The following CSRNP2 variants were observed in gnomAD, a reference collection of about 807,000 sequenced individuals.
CSRNP2 encodes the protein cysteine/serine-rich nuclear protein 2.
A neutral mutation model predicts 36.6 loss-of-function variants in CSRNP2; 11 were observed. That is an observed-to-expected ratio of 0.30 (90% CI 0.19 to 0.50). The LOEUF is 0.50. CSRNP2 is among the 20% of genes least tolerant of loss of function. CSRNP2 has a pLI of 0.98. For synonymous variants in CSRNP2, 248 were observed against 275.3 expected, an observed-to-expected ratio of 0.90 and a Z score of 0.98; for missense variants, 483 against 691.4, an observed-to-expected ratio of 0.70 and a Z score of 3.38.
chr12:51,079,404 T>C (rs1459468164), intron 1 of CSRNP2, among the ~76,000 whole-genome samples: 3 of 151,604 alleles, frequency 2.0e-5, no homozygotes, highest in African/African-American at 7.3e-5. Flanking sequence ...TCTCATTCCA[T>C]TCTATTGTAG....
chr12:51,080,154 AGGCAGGCAGGCAGGCAGGCAGGCG>A (rs1233858726), intron 1 of CSRNP2, among the ~76,000 whole-genome samples: 10 of 36,848 alleles, frequency 2.7e-4, no homozygotes, highest in East Asian at 8.8e-4. Flanking sequence ...GCAGGCAGGC[AGGCAGGCAGGCAGGCAGGCAGGCG>A]GTCTTTTTCC....
chr12:51,064,673 A>G lies in CSRNP2; in HGVS notation c.709-4T>C. 6.6e-7 allele frequency: 1 copy of G among 1,507,814 alleles called. No individual in the cohort carries two copies. Among genetic ancestry groups the G allele is most frequent in the South Asian group, 1.4e-5 (1 of 73,468 alleles). 93.4% of individuals were successfully genotyped at this position (1,507,814 alleles called of 1,614,324 possible). A position where few individuals can be genotyped will look rare whatever the true frequency, so the allele number is the denominator to read the frequency against. ...ATGGAAAGGACATGCGATCCACCTGAGCGGGGACAAGAAGGTTGGGGCAAG... is the reference window on the plus strand; with the variant it reads ...ATGGAAAGGACATGCGATCCACCTGGGCGGGGACAAGAAGGTTGGGGCAAG... On this transcript the variant is annotated splice_polypyrimidine_tract_variant and splice_region_variant and intron_variant, in intron 4 of 4. Coordinates refer to ENST00000228515, the MANE Select transcript of CSRNP2 (RefSeq NM_030809.3).
chr12:51,070,075 G>C (rs1357648272), intron 3 of CSRNP2, among the ~76,000 whole-genome samples: 32 of 152,028 alleles, frequency 2.1e-4, no homozygotes, highest in Non-Finnish European at 1.5e-5. Context: ...ACAAGCCGTG[G>C]CTGAAAGAGT....
chr12:51,075,459 C>G (rs1436283925), intron 2 of CSRNP2, among the ~76,000 whole-genome samples: 2 of 152,184 alleles, frequency 1.3e-5, no homozygotes, highest in East Asian at 3.8e-4. Context: ...CAACTGGCTA[C>G]TGTTGGACAA....
At chr12:51,065,603 G>A (rs1938107221) in intron 4 of CSRNP2, among the ~76,000 whole-genome samples, 1 of 151,980 alleles carries the variant, frequency 6.6e-6, no homozygotes, top group South Asian at 2.1e-4. Context: ...GATTACAGGT[G>A]TGAGCCACCG....
At chr12:51,079,413 A>G (rs557560756) in intron 1 of CSRNP2, among the ~76,000 whole-genome samples, 61 of 152,030 alleles carry the variant, frequency 4.0e-4, no homozygotes, top group African/African-American at 1.4e-3. Context: ...ATTCTATTGT[A>G]GCGGGGAGGG....
chr12:51,067,627 G>A lies in CSRNP2; in HGVS notation c.708+46C>T, dbSNP rs775932315. The A allele has an allele frequency of 1.2e-5, 19 of 1,573,240 alleles. No individual in the cohort carries two copies. Among genetic ancestry groups the A allele is most frequent in the African/African-American group, 6.7e-5 (5 of 74,418 alleles). Reference sequence around the variant, plus strand: ...TTCAGTGGCACCCACACCTCACCCCGCTGACCCTGGTGTAGATATACTATC... The same window carrying A: ...TTCAGTGGCACCCACACCTCACCCCACTGACCCTGGTGTAGATATACTATC... On this transcript the variant is annotated intron_variant, in intron 4 of 4. Transcript: ENST00000228515. This position sits in a 1 kb window ranked among gnomAD's most constrained non-coding sequence, Gnocchi z 4.1.
At chr12:51,070,390 C>T (rs1939024689) in intron 3 of CSRNP2, among the ~76,000 whole-genome samples, 1 of 152,158 alleles carries the variant, frequency 6.6e-6, no homozygotes, top group African/African-American at 2.4e-5. Flanking sequence ...TACAAAGGGC[C>T]TTTCTGTTTA....
At chr12:51,075,885 C>A (rs2136918441) in intron 2 of CSRNP2, among the ~76,000 whole-genome samples, 1 of 152,252 alleles carries the variant, frequency 6.6e-6, no homozygotes, top group East Asian at 1.9e-4. Flanking sequence ...CTTGTCTCTA[C>A]TAAAAACACA....
In CSRNP2 at chr12:51,064,458, C is replaced by T. The variant is rs1398871425; in HGVS notation, c.920G>A (p.Gly307Asp). ...CTCCTGGAAGTCCTGGGTCTCAGAG[C>T]CCTGTGCTCCTGTCAGGCTGCAACT... is the stretch of plus-strand genomic sequence containing the variant. ...TASCSLTGAQ[G>D]SETQDFQEFI... Residue 307 changes from glycine (G) to aspartate (D), a missense_variant, in exon 5 of 5, where the codon GGC becomes GAC. Coordinates refer to ENST00000228515, the MANE Select transcript of CSRNP2 (RefSeq NM_030809.3). 1 of 1,609,416 alleles carries T rather than the reference C, an allele frequency of 6.2e-7. No homozygotes were observed.
In CSRNP2 at chr12:51,061,704, TAC is replaced by T. The variant is rs1226562443; in HGVS notation, c.*2040_*2041del. ...GTGGGTTGGCAATGAGCTTAATAAT[TAC>T]AGATTCATATTCCTGGTTTGATCCC... is the stretch of plus-strand genomic sequence containing the variant. On this transcript the variant is annotated 3_prime_UTR_variant, in exon 5 of 5. Transcript: ENST00000228515. The T allele has an allele frequency of 6.6e-6, 1 of 152,190 alleles. No homozygotes were observed. The highest frequency in any genetic ancestry group is 2.4e-5 in the African/African-American group (1 of 41,456). 9.4% of individuals were successfully genotyped at this position (152,190 alleles called of 1,614,324 possible). A position where few individuals can be genotyped will look rare whatever the true frequency, so the allele number is the denominator to read the frequency against.
At chr12:51,071,504 C>T (rs778539797) in intron 3 of CSRNP2, among the ~76,000 whole-genome samples, 4 of 151,946 alleles carry the variant, frequency 2.6e-5, no homozygotes, top group South Asian at 2.1e-4. Context: ...GTGGCCCACA[C>T]CTGTAGTCCC....
In CSRNP2 at chr12:51,064,298, G is replaced by A. The variant is rs760496365; in HGVS notation, c.1080C>T (p.Ile360=). 8 of 1,613,812 alleles carry A rather than the reference G, an allele frequency of 5.0e-6. No individual in the cohort carries two copies. In the South Asian group the frequency reaches 8.8e-5, roughly 18 times the overall value. ...DSSIESLGVC[I]LEEPLAVPEE... ...CGGGGACAGCCAGAGGCTCCTCTAG[G>A]ATGCACACACCCAGGCTCTCGATGC... The change falls in exon 5 of 5, where the codon ATC becomes ATT. Residue 360 remains isoleucine, a synonymous_variant. Transcript: ENST00000228515.
rs570681413 is a variant in CSRNP2, at chr12:51,070,033, A to C, written c.412-2064T>G. On this transcript the variant is annotated intron_variant, in intron 3 of 4. Transcript: ENST00000228515. ...GGGCTGAGATGGATAGAGAGCCAAG[A>C]AAGGGAGTCTTGGTGGAAGGACAGA... Among the ~76,000 whole-genome samples, 478 of 152,018 alleles carry C rather than the reference A, an allele frequency of 3.1e-3. 2 individuals are homozygous for C. Among genetic ancestry groups the C allele is most frequent in the African/African-American group, 0.011 (463 of 41,436 alleles).
In CSRNP2 at chr12:51,083,556, G is replaced by C. The variant is rs139025849; in HGVS notation, c.-304C>G. The C allele has an allele frequency of 1.3e-5, 2 of 152,268 alleles. No individual in the cohort carries two copies. Among genetic ancestry groups the C allele is most frequent in the Non-Finnish European group, 2.9e-5 (2 of 68,082 alleles). The allele number at this position is 152,268 out of a possible 1,614,324, so 9.4% of individuals were successfully genotyped here. A position where few individuals can be genotyped will look rare whatever the true frequency, so the allele number is the denominator to read the frequency against. On this transcript the variant is annotated 5_prime_UTR_variant, in exon 1 of 5. Transcript: ENST00000228515. ...CGTCTCCGGCAACTCGGGCGCCCCC[G>C]GCAGCAGACGCCCAGAACCGCCCCG...
rs1203396939 is a variant in CSRNP2, at chr12:51,067,282, GA to G, written c.708+390del. On this transcript the variant is annotated intron_variant, in intron 4 of 4. Coordinates refer to ENST00000228515, the MANE Select transcript of CSRNP2 (RefSeq NM_030809.3). The surrounding 1 kb of genome is among the most constrained non-coding windows in gnomAD (Gnocchi z 4.1). ...AACAGCTGCTTCTTATCACCTCTGA[GA>G]AATGAAACAAAAAAAGATGAGATAC... 6.6e-6 allele frequency among the ~76,000 whole-genome samples: 1 copy of G among 152,050 alleles called. No homozygotes were observed. The highest frequency in any genetic ancestry group is 1.5e-5 in the Non-Finnish European group (1 of 67,994).
At chr12:51,075,199 C>T (rs544766070) in intron 2 of CSRNP2, among the ~76,000 whole-genome samples, 2 of 152,230 alleles carry the variant, frequency 1.3e-5, no homozygotes, top group Non-Finnish European at 2.9e-5. Flanking sequence ...GCAGCCCCAA[C>T]CTCCCAGGCC....
rs574118624 is a variant in CSRNP2, at chr12:51,063,694, A to G, written c.*52T>C. On this transcript the variant is annotated 3_prime_UTR_variant, in exon 5 of 5. Coordinates refer to ENST00000228515, the MANE Select transcript of CSRNP2 (RefSeq NM_030809.3). ...GTTTTGTTTTGAAATGGTGTTAGATAAAATAAGGGAATAAATAGAGAATGG... is the reference window on the plus strand; with the variant it reads ...GTTTTGTTTTGAAATGGTGTTAGATGAAATAAGGGAATAAATAGAGAATGG... 1.5e-6 allele frequency: 2 copies of G among 1,374,902 alleles called. No homozygotes were observed. Among genetic ancestry groups the G allele is most frequent in the Non-Finnish European group, 1.9e-6 (2 of 1,029,840 alleles). The allele number at this position is 1,374,902 out of a possible 1,614,324, so 85.2% of individuals were successfully genotyped here.
At chr12:51,065,789 G>A (rs1938146573) in intron 4 of CSRNP2, among the ~76,000 whole-genome samples, 1 of 152,104 alleles carries the variant, frequency 6.6e-6, no homozygotes, top group Admixed American at 6.5e-5. Context: ...CTGTTCTCAG[G>A]TGTGTGTGTA....
Sources: allele counts gnomAD v4.1 joint callset (sites outside exome capture counted in the v4.1 genomes callset), GRCh38; gene constraint gnomAD v4.1.1; non-coding constraint Gnocchi (gnomAD v3.1); transcripts MANE v1.5; gene names NCBI Gene and HGNC (gene_info 2026-07-23, HGNC 2026-07-21).